DOK6: variants seen among roughly 807,000 people sequenced by gnomAD.
DOK6 encodes the protein docking protein 6.
In DOK6, 22 loss-of-function variants were observed where a neutral mutation model predicts 44.0. The observed-to-expected ratio is 0.50, with a 90% confidence interval of 0.36 to 0.71. DOK6 has a LOEUF of 0.71. Among genes scored for constraint, DOK6 ranks in the 30% least tolerant of loss-of-function variants. The pLI, the probability that DOK6 is intolerant of heterozygous loss-of-function variation, is 0.00. For missense variants in DOK6, 340 were observed against 416.4 expected, an observed-to-expected ratio of 0.82 and a Z score of 1.60; for synonymous variants, 166 against 145.5, an observed-to-expected ratio of 1.14 and a Z score of -1.01.
At position 69,698,403 on chromosome 18, in the gene DOK6, G is replaced by T; in HGVS notation, c.410-1G>T. ...CTTCTCCATTCTTCGTCTCTTCACA[G>T]AGAGATTCAACGTGTATCTTATGCC... On this transcript the variant is annotated splice_acceptor_variant, in intron 4 of 7. Coordinates refer to ENST00000382713, the MANE Select transcript of DOK6 (RefSeq NM_152721.6). LOFTEE classifies it high-confidence loss of function. 1 of 1,608,916 alleles carries T rather than the reference G, an allele frequency of 6.2e-7. No homozygotes were observed.
intron 3 of DOK6, among the ~76,000 whole-genome samples, chr18:69,641,499 G>A (rs1028422166): frequency 2.6e-5 from 4 of 152,092 alleles, no homozygotes; most frequent in Non-Finnish European, 5.9e-5. Flanking sequence ...ATCTGGAACA[G>A]GGCCCAGGAA....
intron 5 of DOK6, among the ~76,000 whole-genome samples, chr18:69,737,079 A>G (rs1978634777): frequency 6.6e-6 from 1 of 152,210 alleles, no homozygotes; most frequent in Non-Finnish European, 1.5e-5. Flanking sequence ...CTGTTTAGAC[A>G]GATATGAAAC....
rs145057280 is a variant in DOK6 at position 69,625,736 on chromosome 18, C to A, written c.289+26238C>A. On this transcript the variant is annotated intron_variant, in intron 3 of 7. Transcript: ENST00000382713. ...TATTGTATGAACTCTTTGGGCCAGG[C>A]CCAGGACTCAATATTCACATAAAAT... Among the ~76,000 whole-genome samples the A allele has an allele frequency of 2.5e-3, 384 of 152,276 alleles. 1 individual carries two copies. The highest frequency in any genetic ancestry group is 8.3e-3 in the African/African-American group (346 of 41,568).
intron 1 of DOK6, among the ~76,000 whole-genome samples, chr18:69,430,899 G>C (rs1978787712): frequency 6.6e-6 from 1 of 152,186 alleles, no homozygotes; most frequent in African/African-American, 2.4e-5. Context: ...CCGGGAGACG[G>C]AGGTTGCAGT....
chr18:69,448,005 G>A (rs1443529919), intron 1 of DOK6, among the ~76,000 whole-genome samples: 1 of 152,158 alleles, frequency 6.6e-6, no homozygotes, highest in African/African-American at 2.4e-5. Context: ...TTGAAAGACA[G>A]GTCAAAACAC....
At chr18:69,733,113 G>A (rs1426187169) in intron 5 of DOK6, among the ~76,000 whole-genome samples, 3 of 151,926 alleles carry the variant, frequency 2.0e-5, no homozygotes, top group Non-Finnish European at 4.4e-5. Flanking sequence ...CAGATTACTT[G>A]AGCGCAGGAG....
chr18:69,427,221 G>A (rs1372802851), intron 1 of DOK6, among the ~76,000 whole-genome samples: 1 of 151,740 alleles, frequency 6.6e-6, no homozygotes, highest in African/African-American at 2.4e-5. Flanking sequence ...TGGCTGCATA[G>A]CACTCCAACA....
At chr18:69,401,387 A>AGGT in intron 1 of DOK6, 77 bp downstream of exon 1, 1 of 1,378,540 alleles carries the variant, frequency 7.3e-7, no homozygotes, top group Non-Finnish European at 9.5e-7. Flanking sequence ...GGGCAGGGAG[A>AGGT]GGTGACCCGT....
intron 7 of DOK6, among the ~76,000 whole-genome samples, chr18:69,807,797 A>G (rs1447681534): frequency 6.6e-6 from 1 of 151,854 alleles, no homozygotes; most frequent in Non-Finnish European, 1.5e-5. Flanking sequence ...AATAAAGCAA[A>G]TATTAATAAA....
chr18:69,701,060 C>A (rs1986507402), intron 5 of DOK6, among the ~76,000 whole-genome samples: 1 of 152,194 alleles, frequency 6.6e-6, no homozygotes, highest in African/African-American at 2.4e-5. Context: ...TTCATTGACA[C>A]ACTTTTTCAA....
intron 7 of DOK6, among the ~76,000 whole-genome samples, chr18:69,783,037 C>G (rs1421758692): frequency 6.6e-6 from 1 of 152,170 alleles, no homozygotes; most frequent in Non-Finnish European, 1.5e-5. Flanking sequence ...ATTTCGTTTG[C>G]TTGATCAGAG....
intron 7 of DOK6, among the ~76,000 whole-genome samples, chr18:69,840,842 AT>A (rs1982196639): frequency 6.6e-6 from 1 of 152,258 alleles, no homozygotes; most frequent in Admixed American, 6.5e-5. Flanking sequence ...ATATGCTGAA[AT>A]TGAGCATAAA....
At chr18:69,595,901 G>A (rs1047498123) in intron 2 of DOK6, among the ~76,000 whole-genome samples, 5 of 152,014 alleles carry the variant, frequency 3.3e-5, no homozygotes, top group South Asian at 2.1e-4. Context: ...TAAGACACAC[G>A]GCTTAGAGAT....
intron 3 of DOK6, among the ~76,000 whole-genome samples, chr18:69,600,032 G>A (rs1176396112): frequency 6.6e-6 from 1 of 152,188 alleles, no homozygotes; most frequent in Non-Finnish European, 1.5e-5. Flanking sequence ...TTTATAGTTT[G>A]AACTTGCAGT....
chr18:69,620,154 A>G (rs1204812037), intron 3 of DOK6, among the ~76,000 whole-genome samples: 2 of 152,160 alleles, frequency 1.3e-5, no homozygotes, highest in Admixed American at 6.6e-5. Flanking sequence ...AATGCTTTGC[A>G]TACTTTCTTT....
intron 1 of DOK6, among the ~76,000 whole-genome samples, chr18:69,457,474 T>C (rs1273997670): frequency 6.6e-6 from 1 of 152,176 alleles, no homozygotes; most frequent in Non-Finnish European, 1.5e-5. Context: ...GAGTTTTCTA[T>C]TATGTTCCAC....
In DOK6 at chr18:69,809,623, T is replaced by G. The variant is rs112491464; in HGVS notation, c.857-31621T>G. 2.2e-3 allele frequency among the ~76,000 whole-genome samples: 315 copies of G among 145,148 alleles called. 2 individuals are homozygous for G. Among genetic ancestry groups the G allele is most frequent in the Middle Eastern group, 3.7e-3 (1 of 270 alleles). On this transcript the variant is annotated intron_variant, in intron 7 of 7. Transcript: ENST00000382713. ...AAGAAAGAAAAAAAACAGACAAAAC[T>G]GTTAAAAATAATGAATTTGGTAAAG...
chr18:69,498,032 A>ATC (rs201017118), intron 1 of DOK6, among the ~76,000 whole-genome samples: 18 of 151,810 alleles, frequency 1.2e-4, no homozygotes, highest in African/African-American at 4.3e-4. Flanking sequence ...TATTAAGCTT[A>ATC]TCTCTCTCTC....
At chr18:69,820,689 T>G (rs1217099059) in intron 7 of DOK6, among the ~76,000 whole-genome samples, 1 of 152,152 alleles carries the variant, frequency 6.6e-6, no homozygotes, top group African/African-American at 2.4e-5. Flanking sequence ...ACATACTCTA[T>G]ACACCATGGA....
Sources: gnomAD v4.1 joint callset for allele counts (sites outside exome capture counted in the v4.1 genomes callset) on GRCh38, gnomAD v4.1.1 for gene constraint, MANE v1.5 for transcripts, NCBI Gene and HGNC (gene_info 2026-07-23, HGNC 2026-07-21) for gene names.